The following CAMK1D variants were observed in gnomAD, a reference collection of about 807,000 sequenced individuals.
The protein encoded by CAMK1D is calcium/calmodulin-dependent protein kinase type 1D.
CAMK1D carries 9 observed loss-of-function variants against 47.7 expected under a neutral mutation model. The observed-to-expected ratio is 0.19, with a 90% confidence interval of 0.11 to 0.33. CAMK1D has a LOEUF of 0.33. Among genes scored for constraint, CAMK1D ranks in the 10% least tolerant of loss-of-function variants. CAMK1D has a pLI of 1.00. For missense variants in CAMK1D, 291 were observed against 488.7 expected (o/e 0.60, Z 3.81); for synonymous variants, 184 against 184.9 (o/e 0.99, Z 0.04).
In CAMK1D at chr10:12,684,982, A is replaced by G. The variant is rs539735600; in HGVS notation, c.299+18172A>G. Reference sequence around the variant, plus strand: ...CAGATAATGTTTTTCAAAGGTTCCTAGAGTTAAGCCTTGTTTTCCAAAGGT... The same window carrying G: ...CAGATAATGTTTTTCAAAGGTTCCTGGAGTTAAGCCTTGTTTTCCAAAGGT... On this transcript the variant is annotated intron_variant, in intron 3 of 10. Transcript: ENST00000619168. Among the ~76,000 whole-genome samples the G allele has an allele frequency of 2.0e-5, 3 of 152,342 alleles. No homozygotes were observed. The East Asian group carries it at 5.8e-4, about 29-fold the overall frequency.
At chr10:12,657,971 G>A (rs1357053699) in intron 2 of CAMK1D, among the ~76,000 whole-genome samples, 1 of 152,128 alleles carries the variant, frequency 6.6e-6, no homozygotes, top group Non-Finnish European at 1.5e-5. Flanking sequence ...CCAATGTGGT[G>A]AAACCCTGTC....
intron 2 of CAMK1D, among the ~76,000 whole-genome samples, chr10:12,554,029 C>T (rs564943098): frequency 1.2e-3 from 177 of 152,188 alleles, no homozygotes; most frequent in Non-Finnish European, 1.8e-3. Context: ...TTCACTGTTT[C>T]AGTGCTTACC....
At chr10:12,635,206 G>T (rs555705425) in intron 2 of CAMK1D, among the ~76,000 whole-genome samples, 2 of 152,266 alleles carry the variant, frequency 1.3e-5, no homozygotes, top group East Asian at 1.9e-4. Flanking sequence ...CATAGTGAGA[G>T]CCTGGGTATA....
chr10:12,523,320 G>T (rs577362072), intron 1 of CAMK1D, among the ~76,000 whole-genome samples: 2 of 151,872 alleles, frequency 1.3e-5, no homozygotes, highest in Admixed American at 6.6e-5. Flanking sequence ...AGGCAGAGAC[G>T]CTCCTCATTT....
rs371177681 is a variant in CAMK1D at position 12,707,445 on chromosome 10, G to T, written c.299+40635G>T. ...GCATCCCATATCCTCTTCCCAACAAGAATTTAAAGTGTTTATTAAAAAGGA... is the reference window on the plus strand; with the variant it reads ...GCATCCCATATCCTCTTCCCAACAATAATTTAAAGTGTTTATTAAAAAGGA... On this transcript the variant is annotated intron_variant, in intron 3 of 10. Transcript: ENST00000619168. 4.0e-3 allele frequency among the ~76,000 whole-genome samples: 607 copies of T among 152,266 alleles called. 7 individuals are homozygous for T. Among genetic ancestry groups the T allele is most frequent in the African/African-American group, 0.014 (561 of 41,542 alleles).
chr10:12,748,852 C>T (rs1490312350), intron 3 of CAMK1D, among the ~76,000 whole-genome samples: 1 of 152,176 alleles, frequency 6.6e-6, no homozygotes, highest in Non-Finnish European at 1.5e-5. Flanking sequence ...CTGCAGTGAG[C>T]TTGAACTCAC....
chr10:12,791,250 G>A lies in CAMK1D; in HGVS notation c.641+17G>A, dbSNP rs758978995. 3.1e-6 allele frequency: 5 copies of A among 1,610,574 alleles called. No homozygotes were observed. The highest frequency in any genetic ancestry group is 1.3e-5 in the African/African-American group (1 of 74,836). On this transcript the variant is annotated intron_variant, in intron 6 of 10. Coordinates refer to ENST00000619168, the MANE Select transcript of CAMK1D (RefSeq NM_153498.4). ...CTACATCTTGTAAGTACTGCCTGCT[G>A]CCTTGGGTTCTTCCTCTACCGGCCT... is the stretch of plus-strand genomic sequence containing the variant.
At chr10:12,715,920 G>C (rs1834115384) in intron 3 of CAMK1D, among the ~76,000 whole-genome samples, 1 of 151,866 alleles carries the variant, frequency 6.6e-6, no homozygotes, top group South Asian at 2.1e-4. Flanking sequence ...ATGTTGGCCA[G>C]GCTGGTCTCA....
At chr10:12,587,018 G>A (rs575741592) in intron 2 of CAMK1D, among the ~76,000 whole-genome samples, 18 of 152,246 alleles carry the variant, frequency 1.2e-4, no homozygotes, top group African/African-American at 3.9e-4. Flanking sequence ...CCATGGTTGT[G>A]TTTTCTTGGT....
chr10:12,375,411 T>C lies in CAMK1D; in HGVS notation c.92+25501T>C, dbSNP rs149972864. On this transcript the variant is annotated intron_variant, in intron 1 of 10. Coordinates refer to ENST00000619168, the MANE Select transcript of CAMK1D (RefSeq NM_153498.4). ...CGCCTTCCGTGTGAGGATTGCTCACTGCGTAGATTAGCTGCAATGAGTGTT... is the reference window on the plus strand; with the variant it reads ...CGCCTTCCGTGTGAGGATTGCTCACCGCGTAGATTAGCTGCAATGAGTGTT... 7.0e-4 allele frequency among the ~76,000 whole-genome samples: 107 copies of C among 152,362 alleles called. No individual in the cohort carries two copies. In the Middle Eastern group the frequency reaches 0.01, roughly 15 times the overall value.
At chr10:12,783,838 T>TTTCCATA (rs1837605213) in intron 5 of CAMK1D, among the ~76,000 whole-genome samples, 1 of 152,174 alleles carries the variant, frequency 6.6e-6, no homozygotes, top group Non-Finnish European at 1.5e-5. Context: ...TTTCCATAAG[T>TTTCCATA]GGGCTGGTGG....
At chr10:12,746,530 T>TG (rs563921206) in intron 3 of CAMK1D, among the ~76,000 whole-genome samples, 134 of 152,284 alleles carry the variant, frequency 8.8e-4, no homozygotes, top group Admixed American at 2.5e-3. Flanking sequence ...GAAAATGTTT[T>TG]GGGGGTCTCT....
rs986224932 is a variant in CAMK1D at position 12,715,099 on chromosome 10, C to T, written c.300-45849C>T. Among the ~76,000 whole-genome samples, 82 of 152,170 alleles carry T rather than the reference C, an allele frequency of 5.4e-4. 1 individual carries two copies. The highest frequency in any genetic ancestry group is 1.8e-3 in the African/African-American group (73 of 41,426). On this transcript the variant is annotated intron_variant, in intron 3 of 10. Coordinates refer to ENST00000619168, the MANE Select transcript of CAMK1D (RefSeq NM_153498.4). ...GTATCCACTCACCAATCCCCTCAGA[C>T]GCCCCCTACACCCTTCCAGCCTCTG...
At chr10:12,392,643 T>G (rs1838776453) in intron 1 of CAMK1D, among the ~76,000 whole-genome samples, 2 of 152,336 alleles carry the variant, frequency 1.3e-5, no homozygotes, top group South Asian at 4.1e-4. Context: ...CTTAACATAC[T>G]TGTTTTGTAG....
chr10:12,818,250 GTA>G (rs1378176624), intron 8 of CAMK1D, among the ~76,000 whole-genome samples: 6 of 152,158 alleles, frequency 3.9e-5, no homozygotes, highest in African/African-American at 1.4e-4. Flanking sequence ...GTATTTCAGT[GTA>G]TAACACCTAT....
At chr10:12,596,745 C>T (rs1838156840) in intron 2 of CAMK1D, among the ~76,000 whole-genome samples, 2 of 152,084 alleles carry the variant, frequency 1.3e-5, no homozygotes, top group African/African-American at 4.8e-5. Context: ...CTGGTAGGTT[C>T]CTCTGGAGAC....
At chr10:12,746,608 C>A (rs1014131501) in intron 3 of CAMK1D, among the ~76,000 whole-genome samples, 1 of 152,204 alleles carries the variant, frequency 6.6e-6, no homozygotes, top group African/African-American at 2.4e-5. Context: ...CTCTCCTGTT[C>A]TACTTCTCAT....
At chr10:12,548,032 C>T (rs966679580) in intron 1 of CAMK1D, among the ~76,000 whole-genome samples, 1 of 152,188 alleles carries the variant, frequency 6.6e-6, no homozygotes, top group African/African-American at 2.4e-5. Context: ...CACGCACACG[C>T]CCTGGTAGCC....
chr10:12,827,420 TTTCC>T lies in CAMK1D; in HGVS notation c.1040-1333_1040-1330del, dbSNP rs796127858. On this transcript the variant is annotated intron_variant, in intron 10 of 10. Transcript: ENST00000619168. Reference sequence around the variant, plus strand: ...CCTTCCTTTCTTCTTTCTCTCTTTCTTTCCTTCCTTCCTTCCTTCTTTCTTTCTT... The same window carrying T: ...CCTTCCTTTCTTCTTTCTCTCTTTCTTTCCTTCCTTCCTTCTTTCTTTCTT... 4.2e-4 allele frequency among the ~76,000 whole-genome samples: 5 copies of T among 12,046 alleles called. 2 individuals carry two copies. The highest frequency in any genetic ancestry group is 1.5e-3 in the Admixed American group (2 of 1,330). 7.9% of individuals were successfully genotyped at this position (12,046 alleles called of 152,430 possible).
Sources: allele counts gnomAD v4.1 joint callset (sites outside exome capture counted in the v4.1 genomes callset), GRCh38; gene constraint gnomAD v4.1.1; transcripts MANE v1.5; gene names NCBI Gene and HGNC (gene_info 2026-07-23, HGNC 2026-07-21).